Variants in HIVEP3 observed in about 807,000 individuals in gnomAD.
The protein encoded by HIVEP3 is transcription factor HIVEP3.
A neutral mutation model predicts 152.8 loss-of-function variants in HIVEP3; 49 were observed. The ratio of observed to expected loss-of-function variants is 0.32; its 90% confidence interval spans 0.26 to 0.41. HIVEP3 has a LOEUF of 0.41. Among genes scored for constraint, HIVEP3 ranks in the 10% least tolerant of loss-of-function variants. HIVEP3 has a pLI of 1.00. For missense variants in HIVEP3, 2,790 were observed against 3,103.3 expected (o/e 0.90, Z 2.40); for synonymous variants, 1,269 against 1,289.0 (o/e 0.98, Z 0.33).
Position 41,851,289 on chromosome 1 carries a change from CTTTTTTTTTTTTTTT to C in HIVEP3, c.-801+67109_-801+67123del, listed in dbSNP as rs34180186. Among the ~76,000 whole-genome samples, 10 of 59,758 alleles carry C rather than the reference CTTTTTTTTTTTTTTT, an allele frequency of 1.7e-4. No homozygotes were observed. In the East Asian group the frequency reaches 2.9e-3, roughly 17 times the overall value. 39.2% of individuals were successfully genotyped at this position (59,758 alleles called of 152,430 possible). A position where few individuals can be genotyped will look rare whatever the true frequency, so the allele number is the denominator to read the frequency against. On this transcript the variant is annotated intron_variant, in intron 1 of 8. Transcript: ENST00000372583. ...GATGAGAGAGCACCTTCTTCTTCTT[CTTTTTTTTTTTTTTT>C]TTTTTTTTTTTTTTTTTGAGACAGA...
intron 1 of HIVEP3, among the ~76,000 whole-genome samples, chr1:41,769,230 A>T (rs1648198786): frequency 6.6e-6 from 1 of 152,220 alleles, no homozygotes; most frequent in Non-Finnish European, 1.5e-5. Context: ...CTTGCAAAGC[A>T]TTGTCCACTT....
chr1:41,870,246 A>G (rs900185080), intron 1 of HIVEP3, among the ~76,000 whole-genome samples: 1 of 152,094 alleles, frequency 6.6e-6, no homozygotes, highest in Non-Finnish European at 1.5e-5. Flanking sequence ...CTTCCCCAAA[A>G]AAAGCCCCCC....
intron 4 of HIVEP3, among the ~76,000 whole-genome samples, chr1:41,577,208 A>G (rs1441321706): frequency 1.3e-5 from 2 of 152,226 alleles, no homozygotes; most frequent in Non-Finnish European, 2.9e-5. Flanking sequence ...GATGACAACA[A>G]TATGAATAAG....
chr1:41,843,920 C>T (rs1643362869), intron 1 of HIVEP3, among the ~76,000 whole-genome samples: 1 of 151,668 alleles, frequency 6.6e-6, no homozygotes, highest in South Asian at 2.1e-4. Context: ...GTGTGTGGGG[C>T]CTCCACAACA....
At chr1:41,938,080 G>C (rs1408169099) in intron 1 of HIVEP3, among the ~76,000 whole-genome samples, 1 of 152,080 alleles carries the variant, frequency 6.6e-6, no homozygotes, top group East Asian at 1.9e-4. Context: ...TTTCTGCATG[G>C]AACACGCTTT....
intron 1 of HIVEP3, among the ~76,000 whole-genome samples, chr1:41,896,086 G>T (rs1244000222): frequency 6.6e-6 from 1 of 152,130 alleles, no homozygotes; most frequent in Non-Finnish European, 1.5e-5. Context: ...TGGTGGAGGG[G>T]GTACTTCTAG....
intron 3 of HIVEP3, among the ~76,000 whole-genome samples, chr1:41,587,603 A>G (rs779785951): frequency 1.3e-5 from 2 of 152,222 alleles, no homozygotes; most frequent in Non-Finnish European, 2.9e-5. Flanking sequence ...TGGGTGTCTC[A>G]TACATACTTT....
At chr1:41,774,960 T>G (rs149860303) in intron 1 of HIVEP3, among the ~76,000 whole-genome samples, 3 of 152,140 alleles carry the variant, frequency 2.0e-5, no homozygotes, top group African/African-American at 7.2e-5. Flanking sequence ...CACAACTGGC[T>G]AATTTTTTCT....
intron 2 of HIVEP3, among the ~76,000 whole-genome samples, chr1:41,642,176 C>T (rs1050989209): frequency 1.3e-5 from 2 of 152,212 alleles, no homozygotes; most frequent in African/African-American, 2.4e-5. Context: ...CCCAGCCCAC[C>T]GATCCATAGA....
At chr1:41,977,420 G>A (rs1244586946) in intron 1 of HIVEP3, among the ~76,000 whole-genome samples, 3 of 152,108 alleles carry the variant, frequency 2.0e-5, no homozygotes, top group Admixed American at 2.0e-4. Context: ...CTCCCCAGCT[G>A]CTTGCTTGCC....
At chr1:41,995,787 G>C (rs1354041246) in intron 1 of HIVEP3, among the ~76,000 whole-genome samples, 1 of 152,184 alleles carries the variant, frequency 6.6e-6, no homozygotes, top group Non-Finnish European at 1.5e-5. Flanking sequence ...TTTGATGAGT[G>C]AGATATGCCT....
chr1:41,532,369 C>T (rs1569787845), intron 5 of HIVEP3, among the ~76,000 whole-genome samples: 1 of 152,082 alleles, frequency 6.6e-6, no homozygotes, highest in South Asian at 2.1e-4. Flanking sequence ...CCCCCCGGAG[C>T]AACGGCAGAG....
chr1:41,710,337 A>AG (rs1646494487), intron 1 of HIVEP3, among the ~76,000 whole-genome samples: 1 of 152,174 alleles, frequency 6.6e-6, no homozygotes, highest in Non-Finnish European at 1.5e-5. Context: ...GAGAAGAGCA[A>AG]GGGTGTTCTG....
intron 1 of HIVEP3, among the ~76,000 whole-genome samples, chr1:41,821,910 T>C (rs1642613803): frequency 6.6e-6 from 1 of 152,250 alleles, no homozygotes; most frequent in Non-Finnish European, 1.5e-5. Flanking sequence ...ACATCCAGCC[T>C]ACGTGGAGTG....
intron 1 of HIVEP3, among the ~76,000 whole-genome samples, chr1:41,747,330 C>A (rs985146522): frequency 6.6e-6 from 1 of 152,216 alleles, no homozygotes; most frequent in Non-Finnish European, 1.5e-5. Flanking sequence ...CCCAACTGAT[C>A]CTGCCAGTTC....
intron 2 of HIVEP3, among the ~76,000 whole-genome samples, chr1:41,650,563 GT>G (rs74511211): frequency 0.033 from 4,777 of 144,816 alleles, 210 homozygotes; most frequent in African/African-American, 0.11. Flanking sequence ...TGTTTTCTGG[GT>G]TTTTTTTTTT....
At chr1:41,839,786 G>C (rs886734462) in intron 1 of HIVEP3, among the ~76,000 whole-genome samples, 1 of 152,152 alleles carries the variant, frequency 6.6e-6, no homozygotes, top group Non-Finnish European at 1.5e-5. Context: ...ACAGAGTAAC[G>C]GTCTACCTTG....
At chr1:41,713,729 C>A (rs1016726822) in intron 1 of HIVEP3, among the ~76,000 whole-genome samples, 1 of 152,244 alleles carries the variant, frequency 6.6e-6, no homozygotes, top group Non-Finnish European at 1.5e-5. Flanking sequence ...TCACTACCTG[C>A]TGGGCAGCCC....
intron 2 of HIVEP3, among the ~76,000 whole-genome samples, chr1:41,653,232 A>G (rs1312357560): frequency 7.9e-5 from 12 of 151,426 alleles, no homozygotes; most frequent in Non-Finnish European, 2.9e-5. Context: ...GTGTGTGTGT[A>G]TGTACATAAC....
Sources: allele counts gnomAD v4.1 joint callset (sites outside exome capture counted in the v4.1 genomes callset), GRCh38; gene constraint gnomAD v4.1.1; transcripts MANE v1.5; gene names NCBI Gene and HGNC (gene_info 2026-07-23, HGNC 2026-07-21).